The following LCOR variants were observed in gnomAD, a reference collection of about 807,000 sequenced individuals.
LCOR encodes the protein ligand dependent nuclear receptor corepressor.
In LCOR, 14 loss-of-function variants were observed where a neutral mutation model predicts 64.4. That is an observed-to-expected ratio of 0.22 (90% CI 0.14 to 0.34). The LOEUF (loss-of-function observed/expected upper bound fraction) is 0.34, where lower values mean the gene tolerates loss of function less well. LCOR is among the 10% of genes least tolerant of loss of function. The pLI is 1.00. For synonymous variants in LCOR, 643 were observed against 642.5 expected (o/e 1.00, Z -0.01); for missense variants, 1,686 against 1,765.3 (o/e 0.96, Z 0.80).
chr10:96,833,910 GA>G (rs1420424440), intron 2 of LCOR, among the ~76,000 whole-genome samples: 1 of 152,136 alleles, frequency 6.6e-6, no homozygotes, highest in African/African-American at 2.4e-5. Context: ...CTGTTGGGGG[GA>G]AGGGTGGAGG....
At chr10:96,934,811 A>G (rs954239240) in intron 4 of LCOR, among the ~76,000 whole-genome samples, 16 of 152,172 alleles carry the variant, frequency 1.1e-4, no homozygotes, top group African/African-American at 3.9e-4. Context: ...CATGTTGGCC[A>G]GACTGGTGTC....
chr10:96,854,466 A>G (rs968574843), intron 2 of LCOR, among the ~76,000 whole-genome samples: 6 of 152,094 alleles, frequency 3.9e-5, no homozygotes, highest in Non-Finnish European at 7.4e-5. Flanking sequence ...AGCTGGGATT[A>G]TAGGCACCCG....
intron 4 of LCOR, among the ~76,000 whole-genome samples, chr10:96,935,259 C>T (rs1317443497): frequency 6.7e-6 from 1 of 148,750 alleles, no homozygotes; most frequent in African/African-American, 2.5e-5. Flanking sequence ...AGCATTTCTC[C>T]TGCCTCAGCC....
At position 96,883,852 on chromosome 10, in the gene LCOR, T is replaced by G. The variant is rs575630797; in HGVS notation, c.-329-23413T>G. ...ATGAATTATTTTAATTGACAAAAAT[T>G]GTACATATTTGTGGTGTCCAACATG... is the stretch of plus-strand genomic sequence containing the variant. On this transcript the variant is annotated intron_variant, in intron 2 of 7. Transcript: ENST00000421806. Among the ~76,000 whole-genome samples the G allele has an allele frequency of 6.1e-4, 93 of 152,318 alleles. 3 individuals carry two copies. In the South Asian group the frequency reaches 9.9e-3, roughly 16 times the overall value.
intron 5 of LCOR, among the ~76,000 whole-genome samples, chr10:96,945,059 C>T (rs1847564444): frequency 6.6e-6 from 1 of 152,148 alleles, no homozygotes; most frequent in African/African-American, 2.4e-5. Flanking sequence ...TACACTTTTC[C>T]TCCATTTCCA....
At chr10:96,938,950 A>ATTCAGTGCAT (rs1204224406) in intron 4 of LCOR, among the ~76,000 whole-genome samples, 1 of 152,260 alleles carries the variant, frequency 6.6e-6, no homozygotes, top group Non-Finnish European at 1.5e-5. Context: ...TGATACGCTG[A>ATTCAGTGCAT]TTCAGTGCAT....
At position 96,839,485 on chromosome 10, in the gene LCOR, A is replaced by G. The variant is rs529707625; in HGVS notation, c.-330+6006A>G. 2.5e-4 allele frequency among the ~76,000 whole-genome samples: 38 copies of G among 152,202 alleles called. 1 individual carries two copies. The highest frequency in any genetic ancestry group is 5.9e-4 in the Admixed American group (9 of 15,284). On this transcript the variant is annotated intron_variant, in intron 2 of 7. Transcript: ENST00000421806. ...ATGGGATTACAACTCCATTTGCAAG[A>G]GTTTGGATAGAGAAGGACACCTTTG...
intron 2 of LCOR, among the ~76,000 whole-genome samples, chr10:96,847,511 C>T (rs1304853462): frequency 6.6e-6 from 1 of 152,004 alleles, no homozygotes; most frequent in African/African-American, 2.4e-5. Flanking sequence ...GGCACGATCT[C>T]GGCTCACCGC....
intron 7 of LCOR, chr10:96,960,773 T>C (rs1196134819): frequency 6.6e-6 from 1 of 152,138 alleles, no homozygotes; most frequent in African/African-American, 2.4e-5. Flanking sequence ...TCAAATTAAT[T>C]GCTTTCAAAA....
chr10:96,850,278 A>C (rs1210655707), intron 2 of LCOR, among the ~76,000 whole-genome samples: 1 of 152,114 alleles, frequency 6.6e-6, no homozygotes, highest in Non-Finnish European at 1.5e-5. Flanking sequence ...GGCCGGGCGC[A>C]GTGGCTCACG....
intron 4 of LCOR, 39 bp downstream of exon 4, chr10:96,907,786 A>G (rs1846754803): frequency 1.5e-6 from 1 of 684,102 alleles, no homozygotes; most frequent in Non-Finnish European, 1.8e-6. Flanking sequence ...TTAGTGTAGT[A>G]TTTTAAAGTT....
chr10:96,984,444 G>A lies in LCOR; in HGVS notation c.3984G>A (p.Lys1328=), dbSNP rs1295933115. 5 of 1,614,094 alleles carry A rather than the reference G, an allele frequency of 3.1e-6. No individual in the cohort carries two copies. The highest frequency in any genetic ancestry group is 4.2e-6 in the Non-Finnish European group (5 of 1,180,046). The change falls in exon 8 of 8, where the codon AAG becomes AAA. Residue 1328 remains lysine, a synonymous_variant. Transcript: ENST00000421806. ...TCAGAGCCCAGCAACGTTTAATCAA[G>A]AATGAGAAAATGGAATGCCCAGATG... is the stretch of plus-strand genomic sequence containing the variant. ...GKLRAQQRLI[K]NEKMECPDAL...
Position 96,982,863 on chromosome 10 carries a change from CAAG to C in LCOR, c.2409_2411del (p.Lys805del). ...TTGACTCACTCGAAGAGAATTTGGA[CAAG>C]AAGAAAAAAGGTAAAAAATTCCCTG... On this transcript the variant is annotated inframe_deletion, in exon 8 of 8. Transcript: ENST00000421806. The C allele has an allele frequency of 6.2e-7, 1 of 1,613,800 alleles. No individual in the cohort carries two copies.
At chr10:96,942,388 C>T (rs1470183356) in intron 4 of LCOR, among the ~76,000 whole-genome samples, 1 of 152,116 alleles carries the variant, frequency 6.6e-6, no homozygotes, top group African/African-American at 2.4e-5. Context: ...GCTGAGATGG[C>T]AGCAGTACCG....
intron 5 of LCOR, 43 bp downstream of exon 5, chr10:96,944,288 T>C: frequency 1.0e-6 from 1 of 954,898 alleles, no homozygotes. Flanking sequence ...GCTTGTCTTG[T>C]ATTATTGATC....
At chr10:96,929,294 C>T (rs1434655567) in intron 4 of LCOR, among the ~76,000 whole-genome samples, 3 of 152,222 alleles carry the variant, frequency 2.0e-5, no homozygotes, top group African/African-American at 7.2e-5. Context: ...TGTGTAGCCA[C>T]CTTCATCAGT....
intron 2 of LCOR, among the ~76,000 whole-genome samples, chr10:96,843,188 G>A (rs980632584): frequency 2.6e-5 from 4 of 152,144 alleles, no homozygotes; most frequent in African/African-American, 9.7e-5. Context: ...GCAGCGGCAT[G>A]ATCATAGCTC....
chr10:96,920,663 T>C (rs1453408505), intron 4 of LCOR, among the ~76,000 whole-genome samples: 7 of 135,376 alleles, frequency 5.2e-5, no homozygotes, highest in African/African-American at 2.3e-4. Flanking sequence ...TGTATATATG[T>C]ATATATGTAT....
chr10:96,919,685 A>G (rs78553604), intron 4 of LCOR, among the ~76,000 whole-genome samples: 16 of 152,286 alleles, frequency 1.1e-4, no homozygotes, highest in Non-Finnish European at 2.2e-4. Context: ...GCCCCTGGCA[A>G]CCACTGTTCT....
Sources: allele counts gnomAD v4.1 joint callset (sites outside exome capture counted in the v4.1 genomes callset), GRCh38; gene constraint gnomAD v4.1.1; transcripts MANE v1.5; gene names NCBI Gene and HGNC (gene_info 2026-07-23, HGNC 2026-07-21).